JMJD1C: variants seen among roughly 807,000 people sequenced by gnomAD.
JMJD1C encodes the protein jumonji domain-containing protein 1C.
JMJD1C carries 31 observed loss-of-function variants against 245.3 expected under a neutral mutation model. The observed-to-expected ratio is 0.13, with a 90% confidence interval of 0.09 to 0.17. The LOEUF (loss-of-function observed/expected upper bound fraction) is 0.17. JMJD1C is among the 10% of genes least tolerant of loss of function. The probability of loss-of-function intolerance (pLI) is 1.00; values close to 1 mark genes in which losing one functional copy is unlikely to be tolerated. For synonymous variants in JMJD1C, 1,057 were observed against 1,017.4 expected (o/e 1.04, Z -0.74); for missense variants, 2,691 against 3,000.2 (o/e 0.90, Z 2.41).
intron 22 of JMJD1C, among the ~76,000 whole-genome samples, chr10:63,181,844 AG>A (rs1843525146): frequency 6.6e-6 from 1 of 152,218 alleles, no homozygotes; most frequent in African/African-American, 2.4e-5. Context: ...ATGGCATCAC[AG>A]GATTAGAAAG....
intron 1 of JMJD1C, among the ~76,000 whole-genome samples, chr10:63,382,180 C>A (rs982968034): frequency 6.6e-6 from 1 of 152,126 alleles, no homozygotes; most frequent in Non-Finnish European, 1.5e-5. Context: ...CACTGCACAC[C>A]AGCCTGGGTG....
chr10:63,507,559 C>A (rs2133271616), intron 1 of JMJD1C, among the ~76,000 whole-genome samples: 1 of 146,196 alleles, frequency 6.8e-6, no homozygotes, highest in South Asian at 2.2e-4. Context: ...GCAGGAGAAT[C>A]ACTTGAACCC....
intron 1 of JMJD1C, among the ~76,000 whole-genome samples, chr10:63,473,018 C>T (rs1226501405): frequency 6.6e-6 from 1 of 151,680 alleles, no homozygotes; most frequent in African/African-American, 2.4e-5. Flanking sequence ...CTCTTGACCT[C>T]ATGATCTGCC....
intron 1 of JMJD1C, among the ~76,000 whole-genome samples, chr10:63,419,152 G>A (rs2132722377): frequency 6.6e-6 from 1 of 151,234 alleles, no homozygotes; most frequent in South Asian, 2.1e-4. Flanking sequence ...TTGGGAGGCC[G>A]AGGAGGGTCA....
chr10:63,373,590 TAATA>T (rs1046985926), intron 2 of JMJD1C, among the ~76,000 whole-genome samples: 2 of 152,126 alleles, frequency 1.3e-5, no homozygotes, highest in African/African-American at 4.8e-5. Context: ...AGAAAGAAGA[TAATA>T]AATACAAACA....
chr10:63,356,848 C>G (rs896873921), intron 2 of JMJD1C, among the ~76,000 whole-genome samples: 1 of 152,110 alleles, frequency 6.6e-6, no homozygotes, highest in African/African-American at 2.4e-5. Flanking sequence ...ATACTATTCA[C>G]AACTATTCAA....
intron 1 of JMJD1C, among the ~76,000 whole-genome samples, chr10:63,476,172 C>T (rs1260989382): frequency 3.3e-5 from 5 of 151,074 alleles, no homozygotes; most frequent in South Asian, 2.1e-4. Flanking sequence ...ATTGCACCAC[C>T]GCACTCCAGC....
intron 1 of JMJD1C, among the ~76,000 whole-genome samples, chr10:63,399,379 T>C (rs1948712695): frequency 6.6e-6 from 1 of 152,132 alleles, no homozygotes; most frequent in African/African-American, 2.4e-5. Flanking sequence ...GAAACAGTGT[T>C]CAGAAACAAC....
At chr10:63,473,214 T>C (rs17741598) in intron 1 of JMJD1C, among the ~76,000 whole-genome samples, 1 of 152,084 alleles carries the variant, frequency 6.6e-6, no homozygotes, top group East Asian at 1.9e-4. Context: ...GTAAAACAAA[T>C]GCTCTGTTGT....
chr10:63,411,209 G>A (rs957807403), intron 1 of JMJD1C, among the ~76,000 whole-genome samples: 7 of 152,082 alleles, frequency 4.6e-5, no homozygotes, highest in African/African-American at 1.4e-4. Flanking sequence ...ACAGAGGGGC[G>A]GTATAGACTG....
At chr10:63,453,206 C>T (rs866902220) in intron 1 of JMJD1C, among the ~76,000 whole-genome samples, 1 of 152,084 alleles carries the variant, frequency 6.6e-6, no homozygotes, top group Non-Finnish European at 1.5e-5. Context: ...ACCCAGGAGG[C>T]GGAGGGTGCA....
chr10:63,279,272 A>T (rs946944777), intron 2 of JMJD1C, among the ~76,000 whole-genome samples: 3 of 152,212 alleles, frequency 2.0e-5, no homozygotes, highest in Non-Finnish European at 4.4e-5. Context: ...AACAAATTAC[A>T]TAGTGATTTA....
intron 1 of JMJD1C, among the ~76,000 whole-genome samples, chr10:63,389,799 G>A (rs936254466): frequency 3.3e-5 from 5 of 151,996 alleles, no homozygotes; most frequent in African/African-American, 1.2e-4. Context: ...TGACCACTAG[G>A]TCAAGAAAGA....
chr10:63,185,687 A>G, intron 19 of JMJD1C, 34 bp from the exon 20 acceptor site: 1 of 1,180,986 alleles, frequency 8.5e-7, no homozygotes, highest in East Asian at 2.3e-5. Flanking sequence ...TAAAAGGGTA[A>G]TTTCTGCCTT....
chr10:63,200,653 T>C lies in JMJD1C; in HGVS notation c.5099A>G (p.Lys1700Arg), dbSNP rs181311528. ...SNTGIPRSVL[K>R]DWRKVKKLKQ... ...CAGCTTCTTGACTTTACGCCAATCT[T>C]TCAATACTGAACGAGGAATGCCAGC... The change falls in exon 11 of 26, where the codon AAA becomes AGA. Residue 1700 changes from lysine to arginine, a missense_variant. Lys to Arg is a conservative substitution (Grantham distance 26). This residue lies in a region of JMJD1C where 139 missense variants were observed against 270.5 expected (regional missense o/e 0.51). Coordinates refer to ENST00000399262, the MANE Select transcript of JMJD1C (RefSeq NM_032776.3). 6.2e-7 allele frequency: 1 copy of C among 1,614,020 alleles called. No homozygotes were observed. The highest frequency in any genetic ancestry group is 1.7e-5 in the Admixed American group (1 of 60,026).
chr10:63,480,420 T>C (rs1953795948), intron 1 of JMJD1C, among the ~76,000 whole-genome samples: 1 of 151,640 alleles, frequency 6.6e-6, no homozygotes, highest in Non-Finnish European at 1.5e-5. Flanking sequence ...TTGGCTCAGG[T>C]GATCCTCCCA....
chr10:63,424,033 A>G (rs531062373), intron 1 of JMJD1C, among the ~76,000 whole-genome samples: 1 of 152,174 alleles, frequency 6.6e-6, no homozygotes, highest in East Asian at 1.9e-4. Flanking sequence ...TATTCTGCAT[A>G]TTAAACCATT....
intron 1 of JMJD1C, among the ~76,000 whole-genome samples, chr10:63,385,338 C>T (rs1040811619): frequency 6.7e-6 from 1 of 149,070 alleles, no homozygotes; most frequent in Non-Finnish European, 1.5e-5. Context: ...TATTTTTCCA[C>T]GTGCAGATGG....
chr10:63,190,741 G>C (rs937067170), intron 17 of JMJD1C, among the ~76,000 whole-genome samples, 153 bp downstream of exon 17: 5 of 152,180 alleles, frequency 3.3e-5, no homozygotes, highest in African/African-American at 7.2e-5. Flanking sequence ...CAGCTTTCAA[G>C]GTAAAGAGAG....
Sources: allele counts gnomAD v4.1 joint callset (sites outside exome capture counted in the v4.1 genomes callset), GRCh38; gene constraint gnomAD v4.1.1; regional missense constraint gnomAD v4.1.1; transcripts MANE v1.5; gene names NCBI Gene and HGNC (gene_info 2026-07-23, HGNC 2026-07-21).